Variants in MBD2 observed in about 807,000 individuals in gnomAD.
The protein encoded by MBD2 is methyl-CpG-binding domain protein 2.
In MBD2, 9 loss-of-function variants were observed where a neutral mutation model predicts 39.3. The ratio of observed to expected loss-of-function variants is 0.23; its 90% CI spans 0.14 to 0.40. MBD2 has a LOEUF of 0.40. MBD2 is among the 10% of genes least tolerant of loss of function. The pLI, the probability that MBD2 is intolerant of heterozygous loss-of-function variation, is 1.00. For synonymous variants in MBD2, 233 were observed against 211.1 expected (o/e 1.10, Z -0.90); for missense variants, 458 against 532.6 (o/e 0.86, Z 1.38).
chr18:54,199,646 G>T (rs1010613416), intron 2 of MBD2, among the ~76,000 whole-genome samples: 2 of 152,012 alleles, frequency 1.3e-5, no homozygotes, highest in Admixed American at 1.3e-4. Flanking sequence ...TGACTCCTCT[G>T]CCCCAAGTGA....
Position 54,153,412 on chromosome 18 carries a change from A to T in MBD2, c.*1912T>A, listed in dbSNP as rs1297525884. 6.6e-6 allele frequency: 1 copy of T among 152,158 alleles called. No homozygotes were observed. The highest frequency in any genetic ancestry group is 1.9e-4 in the East Asian group (1 of 5,192). The allele number at this position is 152,158 out of a possible 1,614,324, so 9.4% of individuals were successfully genotyped here. A position where few individuals can be genotyped will look rare whatever the true frequency, so the allele number is the denominator to read the frequency against. On this transcript the variant is annotated 3_prime_UTR_variant, in exon 7 of 7. Coordinates refer to ENST00000256429, the MANE Select transcript of MBD2 (RefSeq NM_003927.5). ...TGGGATGGTCCCCAAGGGACACCAT[A>T]TAATGGCTTTCATACCTTGTTCTCC... is the stretch of plus-strand genomic sequence containing the variant.
chr18:54,155,907 T>C (rs1568075975), intron 6 of MBD2, among the ~76,000 whole-genome samples: 2 of 152,252 alleles, frequency 1.3e-5, no homozygotes, highest in African/African-American at 4.8e-5. Flanking sequence ...CTTCTTCTTC[T>C]TCTTAAATTT....
At chr18:54,182,378 A>T (rs549923105) in intron 3 of MBD2, among the ~76,000 whole-genome samples, 34 of 152,282 alleles carry the variant, frequency 2.2e-4, no homozygotes, top group African/African-American at 7.7e-4. Flanking sequence ...CACTTGAGAG[A>T]TGAGTAAGAA....
chr18:54,174,330 G>T (rs2086196723), intron 3 of MBD2, among the ~76,000 whole-genome samples: 1 of 152,198 alleles, frequency 6.6e-6, no homozygotes, highest in South Asian at 2.1e-4. Context: ...TAGGGAAATA[G>T]GAGGTTTATA....
At chr18:54,197,334 CT>C (rs2086374558) in intron 2 of MBD2, among the ~76,000 whole-genome samples, 1 of 152,226 alleles carries the variant, frequency 6.6e-6, no homozygotes, top group South Asian at 2.1e-4. Context: ...TGGCACAGCC[CT>C]ATTACCAGGC....
intron 3 of MBD2, among the ~76,000 whole-genome samples, chr18:54,178,675 T>TA (rs1186672127): frequency 6.6e-6 from 1 of 152,118 alleles, no homozygotes; most frequent in Non-Finnish European, 1.5e-5. Context: ...TGTTTTCTTA[T>TA]AAAAAGAAAT....
chr18:54,178,222 G>A (rs1238872215), intron 3 of MBD2, among the ~76,000 whole-genome samples: 1 of 151,854 alleles, frequency 6.6e-6, no homozygotes, highest in Non-Finnish European at 1.5e-5. Flanking sequence ...TCAACCACTA[G>A]AATTAAAATC....
chr18:54,188,994 A>G lies in MBD2; in HGVS notation c.720T>C (p.Asn240=). 1.9e-6 allele frequency: 3 copies of G among 1,606,348 alleles called. No homozygotes were observed. The East Asian group carries it at 6.7e-5, about 36-fold the overall frequency. The change falls in exon 3 of 7, where the codon AAT becomes AAC. Residue 240 remains asparagine (N), a synonymous_variant. Coordinates refer to ENST00000256429, the MANE Select transcript of MBD2 (RefSeq NM_003927.5). Reference sequence around the variant, plus strand: ...CTGTTTGTCTAATTGGCAATGTTGTATTCAAGTCTGGTTTACCCTGTGAAT... The same window carrying G: ...CTGTTTGTCTAATTGGCAATGTTGTGTTCAAGTCTGGTTTACCCTGTGAAT... The part of the protein sequence containing the change: ...LNQNKGKPDL[N]TTLPIRQTAS...
At chr18:54,203,214 T>A in intron 2 of MBD2, 1 of 1,403,338 alleles carries the variant, frequency 7.1e-7, no homozygotes, top group Non-Finnish European at 9.7e-7. Context: ...AACTAAACTG[T>A]GGTTCTGGTA....
At position 54,211,388 on chromosome 18, in the gene MBD2, TACACACAC is replaced by T. The variant is rs113321648; in HGVS notation, c.543-6239_543-6232del. On this transcript the variant is annotated intron_variant, in intron 1 of 6. Coordinates refer to ENST00000256429, the MANE Select transcript of MBD2 (RefSeq NM_003927.5). The stretch of plus-strand genomic sequence containing the variant: ...ATTAAAAGAATGTATATTATTGCTA[TACACACAC>T]ACACACACACACACACACGCACACA... Among the ~76,000 whole-genome samples the T allele has an allele frequency of 7.8e-3, 1,161 of 148,214 alleles. 7 individuals carry two copies. Among genetic ancestry groups the T allele is most frequent in the Middle Eastern group, 0.028 (8 of 290 alleles).
chr18:54,216,336 A>T (rs911354884), intron 1 of MBD2, among the ~76,000 whole-genome samples: 3 of 152,202 alleles, frequency 2.0e-5, no homozygotes, highest in African/African-American at 7.2e-5. Flanking sequence ...CTATAAGGGG[A>T]GTCAGGCCTA....
intron 2 of MBD2, among the ~76,000 whole-genome samples, chr18:54,198,611 A>C (rs1169962598): frequency 6.6e-6 from 1 of 152,234 alleles, no homozygotes; most frequent in Non-Finnish European, 1.5e-5. Flanking sequence ...GCTACTCAGG[A>C]GGCTGAGATG....
chr18:54,177,681 C>T (rs1010259061), intron 3 of MBD2, among the ~76,000 whole-genome samples: 1 of 151,966 alleles, frequency 6.6e-6, no homozygotes, highest in African/African-American at 2.4e-5. Context: ...GGGGGTTTCA[C>T]TGTGTTAGCC....
intron 6 of MBD2, among the ~76,000 whole-genome samples, chr18:54,158,500 A>C (rs766012313): frequency 2.6e-5 from 4 of 152,210 alleles, no homozygotes; most frequent in Non-Finnish European, 4.4e-5. Flanking sequence ...GCAGGATGGA[A>C]GCCGGGAAGC....
intron 1 of MBD2, among the ~76,000 whole-genome samples, chr18:54,216,723 TAAC>T (rs950160943): frequency 1.3e-5 from 2 of 150,836 alleles, no homozygotes; most frequent in African/African-American, 4.9e-5. Flanking sequence ...AGTATAAAAA[TAAC>T]AAAGAAAAGA....
chr18:54,202,813 T>G, intron 2 of MBD2: 1 of 1,550,762 alleles, frequency 6.4e-7, no homozygotes, highest in Non-Finnish European at 8.7e-7. Flanking sequence ...AAAAAAGACA[T>G]GGTCCCTGCC....
rs1488210027 is a variant in MBD2, at chr18:54,151,748, A to C, written c.*3576T>G. 6.6e-6 allele frequency: 1 copy of C among 151,506 alleles called. No homozygotes were observed. Among genetic ancestry groups the C allele is most frequent in the Non-Finnish European group, 1.5e-5 (1 of 67,980 alleles). 9.4% of individuals were successfully genotyped at this position (151,506 alleles called of 1,614,324 possible). ...TATATCTTTGCAATTATTTATGAAG[A>C]TCTATATTATTTTAAAAATCCAAAC... is the stretch of plus-strand genomic sequence containing the variant. On this transcript the variant is annotated 3_prime_UTR_variant, in exon 7 of 7. Transcript: ENST00000256429.
intron 2 of MBD2, among the ~76,000 whole-genome samples, chr18:54,203,673 A>G (rs2086426083): frequency 6.6e-6 from 1 of 152,150 alleles, no homozygotes; most frequent in African/African-American, 2.4e-5. Context: ...AACTGCACAA[A>G]TTGAGTGAAG....
intron 3 of MBD2, among the ~76,000 whole-genome samples, chr18:54,177,618 C>T (rs889163842): frequency 2.6e-5 from 4 of 151,896 alleles, no homozygotes; most frequent in Admixed American, 2.6e-4. Context: ...GTAGCTGGGA[C>T]TACAGGCGCC....
Sources: allele counts gnomAD v4.1 joint callset (sites outside exome capture counted in the v4.1 genomes callset), GRCh38; gene constraint gnomAD v4.1.1; transcripts MANE v1.5; gene names NCBI Gene and HGNC (gene_info 2026-07-23, HGNC 2026-07-21).